Variants in KSR2 observed in about 807,000 individuals in gnomAD.
KSR2 encodes kinase suppressor of ras 2.
A neutral mutation model predicts 107.8 loss-of-function variants in KSR2; 25 were observed. The observed-to-expected ratio is 0.23, with a 90% confidence interval of 0.17 to 0.32. KSR2 has a LOEUF of 0.32. Among genes scored for constraint, KSR2 ranks in the 10% least tolerant of loss-of-function variants. The pLI, the probability that KSR2 is intolerant of heterozygous loss-of-function variation, is 1.00. For missense variants in KSR2, 887 were observed against 1,268.9 expected (o/e 0.70, Z 4.57); for synonymous variants, 480 against 507.0 (o/e 0.95, Z 0.71).
chr12:117,858,438 C>T (rs1380152086), intron 2 of KSR2, among the ~76,000 whole-genome samples: 1 of 151,978 alleles, frequency 6.6e-6, no homozygotes, highest in African/African-American at 2.4e-5. Context: ...GTCTGATGTG[C>T]ATATGCAAGA....
chr12:117,892,128 G>A (rs575778457), intron 1 of KSR2, among the ~76,000 whole-genome samples: 10 of 152,088 alleles, frequency 6.6e-5, no homozygotes, highest in South Asian at 2.1e-4. Context: ...ATGAAACCCC[G>A]TCTCTACTAA....
At chr12:117,672,677 T>G (rs987415840) in intron 4 of KSR2, among the ~76,000 whole-genome samples, 4 of 151,734 alleles carry the variant, frequency 2.6e-5, no homozygotes, top group Non-Finnish European at 5.9e-5. Flanking sequence ...CAGGCTGGAG[T>G]GCAGTGGTAC....
chr12:117,734,820 G>A (rs1186563895), intron 4 of KSR2, among the ~76,000 whole-genome samples: 1 of 152,102 alleles, frequency 6.6e-6, no homozygotes, highest in Non-Finnish European at 1.5e-5. Flanking sequence ...CAGTGGTACA[G>A]AGTGCCAGGT....
At chr12:117,779,420 T>C (rs916390690) in intron 3 of KSR2, among the ~76,000 whole-genome samples, 1 of 152,166 alleles carries the variant, frequency 6.6e-6, no homozygotes, top group Non-Finnish European at 1.5e-5. Context: ...TGAACTTCAG[T>C]TCATGCATCT....
At chr12:117,761,701 T>C (rs564584332) in intron 3 of KSR2, among the ~76,000 whole-genome samples, 177 bp from the exon 4 acceptor site, 46 of 152,146 alleles carry the variant, frequency 3.0e-4, no homozygotes, top group African/African-American at 9.9e-4. Flanking sequence ...AAATTATATC[T>C]TATGCACATT....
chr12:117,616,756 G>C (rs1326375018), intron 5 of KSR2, among the ~76,000 whole-genome samples: 2 of 152,146 alleles, frequency 1.3e-5, no homozygotes, highest in African/African-American at 4.8e-5. Context: ...GATTCCAACA[G>C]TGTTCCCTAA....
chr12:117,862,493 C>T (rs1026450727), intron 1 of KSR2, among the ~76,000 whole-genome samples: 1 of 151,980 alleles, frequency 6.6e-6, no homozygotes, highest in African/African-American at 2.4e-5. Context: ...TGGTGAAACC[C>T]TGTCTCTACA....
intron 17 of KSR2, among the ~76,000 whole-genome samples, chr12:117,472,381 T>TA (rs1449557068): frequency 4.6e-5 from 7 of 152,156 alleles, no homozygotes; most frequent in Non-Finnish European, 1.0e-4. Flanking sequence ...TGAATAGCAG[T>TA]GAGGACCACA....
intron 1 of KSR2, among the ~76,000 whole-genome samples, chr12:117,899,265 G>A (rs940632242): frequency 6.6e-6 from 1 of 152,216 alleles, no homozygotes; most frequent in South Asian, 2.1e-4. Context: ...GGCTGAGACT[G>A]GAGTATCACT....
intron 3 of KSR2, among the ~76,000 whole-genome samples, chr12:117,828,238 C>T (rs1298147165): frequency 6.6e-6 from 1 of 152,154 alleles, no homozygotes; most frequent in Non-Finnish European, 1.5e-5. Context: ...ACCAACTCTT[C>T]CCTGAAACGA....
intron 5 of KSR2, among the ~76,000 whole-genome samples, chr12:117,620,281 T>C (rs1338784297): frequency 1.3e-5 from 2 of 152,184 alleles, no homozygotes; most frequent in Non-Finnish European, 2.9e-5. Flanking sequence ...TCATATTCCA[T>C]GGGCTCCTAG....
intron 4 of KSR2, among the ~76,000 whole-genome samples, chr12:117,739,125 G>T (rs675383): frequency 0.2 from 29,809 of 152,172 alleles, 3,622 homozygotes; most frequent in South Asian, 0.29. Flanking sequence ...GGAGGCCAAG[G>T]TGGGCAGATC....
At chr12:117,943,173 T>C (rs992932778) in intron 1 of KSR2, among the ~76,000 whole-genome samples, 20 of 152,186 alleles carry the variant, frequency 1.3e-4, no homozygotes, top group African/African-American at 4.6e-4. Context: ...ATCATAACAG[T>C]ATTCATTTTT....
chr12:117,856,859 T>G (rs1566052804), intron 2 of KSR2, among the ~76,000 whole-genome samples: 1 of 152,160 alleles, frequency 6.6e-6, no homozygotes, highest in East Asian at 1.9e-4. Context: ...ATTAAACTGA[T>G]AGCCAGAAAG....
intron 4 of KSR2, among the ~76,000 whole-genome samples, chr12:117,727,417 GAGA>G (rs1288434710): frequency 6.6e-6 from 1 of 151,476 alleles, no homozygotes; most frequent in Non-Finnish European, 1.5e-5. Flanking sequence ...AAAGAAGAAG[GAGA>G]AGAAGGGGAA....
intron 4 of KSR2, among the ~76,000 whole-genome samples, chr12:117,676,203 T>C (rs952437793): frequency 1.3e-5 from 2 of 152,152 alleles, no homozygotes; most frequent in African/African-American, 2.4e-5. Flanking sequence ...TGCTCTGTTA[T>C]TGGCCACAGG....
At chr12:117,664,861 G>A (rs1473907603) in intron 5 of KSR2, among the ~76,000 whole-genome samples, 5 of 152,128 alleles carry the variant, frequency 3.3e-5, no homozygotes, top group Admixed American at 2.6e-4. Context: ...ACTGGGGTGA[G>A]TCTTAACTGA....
intron 5 of KSR2, among the ~76,000 whole-genome samples, chr12:117,611,983 A>G (rs1246554180): frequency 6.6e-6 from 1 of 152,234 alleles, no homozygotes; most frequent in Non-Finnish European, 1.5e-5. Context: ...ATGAGGAGTT[A>G]GTGTTTAATG....
At chr12:117,565,874 A>G (rs190546879) in intron 7 of KSR2, among the ~76,000 whole-genome samples, 33 of 152,312 alleles carry the variant, frequency 2.2e-4, no homozygotes, top group Admixed American at 3.9e-4. Context: ...TAAAACCTCA[A>G]TTCAAGTTTC....
Sources: allele counts gnomAD v4.1 joint callset (sites outside exome capture counted in the v4.1 genomes callset), GRCh38; gene constraint gnomAD v4.1.1; transcripts MANE v1.5; gene names NCBI Gene and HGNC (gene_info 2026-07-23, HGNC 2026-07-21).